CLMP: variants seen among roughly 807,000 people sequenced by gnomAD.
The protein encoded by CLMP is CXADR-like membrane protein.
CLMP carries 27 observed loss-of-function variants against 45.2 expected under a neutral mutation model. That is an observed-to-expected ratio of 0.60 (90% CI 0.44 to 0.82). The LOEUF is 0.82. Among genes scored for constraint, CLMP ranks in the 40% least tolerant of loss-of-function variants. The pLI, the probability that CLMP is intolerant of heterozygous loss-of-function variation, is 0.00. For missense variants in CLMP, 403 were observed against 448.4 expected (o/e 0.90, Z 0.91); for synonymous variants, 167 against 171.4 (o/e 0.97, Z 0.20).
At chr11:123,157,822 C>G (rs890513175) in intron 1 of CLMP, among the ~76,000 whole-genome samples, 32 of 151,240 alleles carry the variant, frequency 2.1e-4, no homozygotes, top group African/African-American at 7.5e-4. Context: ...GACCGGGACG[C>G]TGGTCTTTGG....
intron 1 of CLMP, among the ~76,000 whole-genome samples, chr11:123,120,923 G>T (rs892580147): frequency 1.3e-5 from 2 of 151,952 alleles, no homozygotes; most frequent in Non-Finnish European, 2.9e-5. Flanking sequence ...TCAGGAGATC[G>T]AGACCATCCT....
chr11:123,120,991 T>C (rs1860808667), intron 1 of CLMP, among the ~76,000 whole-genome samples: 1 of 151,758 alleles, frequency 6.6e-6, no homozygotes, highest in African/African-American at 2.4e-5. Flanking sequence ...CTGGGCATGG[T>C]GTGGCAGGAG....
At chr11:123,076,975 G>T (rs1418502363) in intron 5 of CLMP, among the ~76,000 whole-genome samples, 2 of 147,152 alleles carry the variant, frequency 1.4e-5, no homozygotes, top group Admixed American at 1.4e-4. Flanking sequence ...CTAATCAACA[G>T]AATTTGCTAT....
chr11:123,118,423 C>T (rs972086356), intron 1 of CLMP, among the ~76,000 whole-genome samples: 2 of 152,216 alleles, frequency 1.3e-5, no homozygotes, highest in Admixed American at 6.5e-5. Context: ...GCATAAGCCA[C>T]CAAGCCCAGC....
At chr11:123,111,878 C>T (rs1007132186) in intron 1 of CLMP, among the ~76,000 whole-genome samples, 1 of 152,186 alleles carries the variant, frequency 6.6e-6, no homozygotes, top group African/African-American at 2.4e-5. Context: ...CTTATTCCAA[C>T]TGAAGCAGAT....
intron 1 of CLMP, among the ~76,000 whole-genome samples, chr11:123,183,325 G>A (rs986581074): frequency 2.0e-5 from 3 of 152,076 alleles, no homozygotes; most frequent in Non-Finnish European, 4.4e-5. Context: ...CCATCTCCCG[G>A]GTTCAAGTGA....
At chr11:123,088,852 G>T (rs1166518477) in intron 2 of CLMP, among the ~76,000 whole-genome samples, 7 of 152,138 alleles carry the variant, frequency 4.6e-5, no homozygotes. Flanking sequence ...TCGAACTCCT[G>T]ACCTCAGGTG....
chr11:123,126,599 A>G (rs11825379), intron 1 of CLMP, among the ~76,000 whole-genome samples: 27,608 of 152,022 alleles, frequency 0.18, 2,683 homozygotes, highest in Non-Finnish European at 0.22. Context: ...GAAGACAGTA[A>G]TAAGAAAACA....
At chr11:123,102,500 C>T (rs1860463658) in intron 1 of CLMP, among the ~76,000 whole-genome samples, 1 of 151,358 alleles carries the variant, frequency 6.6e-6, no homozygotes, top group Admixed American at 6.6e-5. Flanking sequence ...AAGATGGTCT[C>T]AATCTCCTGA....
chr11:123,073,217 G>GA lies in CLMP; in HGVS notation c.*256dup. The GA allele has an allele frequency of 5.3e-6, 2 of 376,142 alleles. No homozygotes were observed. Among genetic ancestry groups the GA allele is most frequent in the South Asian group, 1.5e-4 (2 of 13,240 alleles). The allele number at this position is 376,142 out of a possible 1,614,324, so 23.3% of individuals were successfully genotyped here. A position where few individuals can be genotyped will look rare whatever the true frequency, so the allele number is the denominator to read the frequency against. On this transcript the variant is annotated 3_prime_UTR_variant, in exon 7 of 7. Coordinates refer to ENST00000448775, the MANE Select transcript of CLMP (RefSeq NM_024769.5). ...CACCACAGGTCCTGGTCAACAAATA[G>GA]ATTTGGACTCCTGCTTTCCCTTACT...
At chr11:123,129,326 C>G (rs1359870284) in intron 1 of CLMP, among the ~76,000 whole-genome samples, 1 of 145,200 alleles carries the variant, frequency 6.9e-6, no homozygotes, top group African/African-American at 2.5e-5. Flanking sequence ...GAAACTCTGT[C>G]TTAATATACA....
rs1233657377 is a variant in CLMP, at chr11:123,134,608, T to G, written c.29-36656A>C. Among the ~76,000 whole-genome samples, 5 of 151,694 alleles carry G rather than the reference T, an allele frequency of 3.3e-5. No homozygotes were observed. In the South Asian group the frequency reaches 1.0e-3, roughly 32 times the overall value. On this transcript the variant is annotated intron_variant, in intron 1 of 6. Transcript: ENST00000448775. Reference sequence around the variant, plus strand: ...TGGGGGATCACGTGAGGTCAGGAGTTCGAGACCAGCCTGACCAACATGGTG... The same window carrying G: ...TGGGGGATCACGTGAGGTCAGGAGTGCGAGACCAGCCTGACCAACATGGTG...
chr11:123,148,206 T>G (rs895658676), intron 1 of CLMP, among the ~76,000 whole-genome samples: 1 of 152,208 alleles, frequency 6.6e-6, no homozygotes, highest in African/African-American at 2.4e-5. Context: ...GTAGCTGTTA[T>G]GTTTAGGGCC....
intron 1 of CLMP, among the ~76,000 whole-genome samples, chr11:123,166,772 G>A (rs1325593139): frequency 6.6e-6 from 1 of 152,194 alleles, no homozygotes; most frequent in Non-Finnish European, 1.5e-5. Flanking sequence ...ATAGTTAGAA[G>A]AGAGGATTTT....
At chr11:123,153,029 T>C (rs753944021) in intron 1 of CLMP, among the ~76,000 whole-genome samples, 37 of 152,200 alleles carry the variant, frequency 2.4e-4, no homozygotes, top group Non-Finnish European at 3.7e-4. Context: ...TCTTTTTTCC[T>C]AAAGGTTTCC....
intron 1 of CLMP, among the ~76,000 whole-genome samples, chr11:123,190,442 A>T (rs990237852): frequency 1.3e-5 from 2 of 152,360 alleles, no homozygotes; most frequent in East Asian, 1.9e-4. Context: ...TGTTACTGGT[A>T]TAAGGAAACT....
Position 123,195,113 on chromosome 11 carries a change from A to G in CLMP, c.-173T>C, listed in dbSNP as rs1339216222. On this transcript the variant is annotated 5_prime_UTR_variant, in exon 1 of 7. Transcript: ENST00000448775. ...CCCCGCGCCCCGTGCCCCTGGGGGC[A>G]GATGGGCTCCCGGCGCTCGCCCCAC... 7 of 386,088 alleles carry G rather than the reference A, an allele frequency of 1.8e-5. No individual in the cohort carries two copies. Among genetic ancestry groups the G allele is most frequent in the Non-Finnish European group, 3.0e-5 (7 of 234,768 alleles). 23.9% of individuals were successfully genotyped at this position (386,088 alleles called of 1,614,324 possible).
At chr11:123,116,089 C>T (rs1860716393) in intron 1 of CLMP, among the ~76,000 whole-genome samples, 1 of 151,952 alleles carries the variant, frequency 6.6e-6, no homozygotes, top group South Asian at 2.1e-4. Flanking sequence ...TGGCTTCCCC[C>T]AGGGTAGGTG....
intron 2 of CLMP, among the ~76,000 whole-genome samples, chr11:123,091,081 T>TTC (rs548321389): frequency 2.2e-4 from 33 of 151,594 alleles, no homozygotes; most frequent in South Asian, 4.2e-4. Flanking sequence ...CCTTCTTTCT[T>TTC]TCTCTCTCTC....
Sources: gnomAD v4.1 joint callset for allele counts (sites outside exome capture counted in the v4.1 genomes callset) on GRCh38, gnomAD v4.1.1 for gene constraint, MANE v1.5 for transcripts, NCBI Gene and HGNC (gene_info 2026-07-23, HGNC 2026-07-21) for gene names.